Variants in IFT74 observed in about 807,000 individuals in gnomAD.
IFT74 encodes intraflagellar transport protein 74 homolog.
In IFT74, 92 loss-of-function variants were observed where a neutral mutation model predicts 96.7. The ratio of observed to expected loss-of-function variants is 0.95; its 90% CI spans 0.80 to 1.13. The LOEUF is 1.13. IFT74 is among the 50% of genes most tolerant of loss of function. IFT74 has a pLI of 0.00. For missense variants in IFT74, 811 were observed against 698.2 expected, an observed-to-expected ratio of 1.16 and a Z score of -1.82; for synonymous variants, 223 against 213.2, an observed-to-expected ratio of 1.05 and a Z score of -0.40.
intron 13 of IFT74, among the ~76,000 whole-genome samples, 172 bp from the exon 14 acceptor site, chr9:27,044,570 G>A (rs1819611940): frequency 6.6e-6 from 1 of 152,176 alleles, no homozygotes; most frequent in South Asian, 2.1e-4. Flanking sequence ...CAAGTTACAT[G>A]CATATGTCTA....
At chr9:27,038,484 G>T (rs1227694477) in intron 13 of IFT74, among the ~76,000 whole-genome samples, 1 of 152,054 alleles carries the variant, frequency 6.6e-6, no homozygotes, top group Admixed American at 6.6e-5. Flanking sequence ...CTGCTCTCTT[G>T]GCCAGGCTGG....
chr9:27,011,116 G>A (rs1217224095), intron 9 of IFT74, among the ~76,000 whole-genome samples: 1 of 152,174 alleles, frequency 6.6e-6, no homozygotes, highest in African/African-American at 2.4e-5. Context: ...AGCCAGGCAT[G>A]GTAGCAGGCC....
chr9:26,947,210 C>A (rs1218791182), intron 1 of IFT74: 5 of 767,872 alleles, frequency 6.5e-6, no homozygotes, highest in Non-Finnish European at 7.8e-6. Context: ...TGGGAAGGGG[C>A]GCGCCGAGCG....
intron 19 of IFT74, 74 bp downstream of exon 19, chr9:27,060,725 G>T: frequency 2.9e-6 from 3 of 1,022,246 alleles, no homozygotes; most frequent in Non-Finnish European, 4.3e-6. Flanking sequence ...TTGGGAGGCC[G>T]AGGCAGGTGG....
intron 8 of IFT74, among the ~76,000 whole-genome samples, chr9:27,006,234 C>T (rs376031136): frequency 6.6e-6 from 1 of 152,252 alleles, no homozygotes; most frequent in African/African-American, 2.4e-5. Context: ...ATTGAAAATG[C>T]ATACTTTTGA....
chr9:26,997,625 C>G (rs916840870), intron 8 of IFT74: 1 of 1,250,486 alleles, frequency 8.0e-7, no homozygotes, highest in East Asian at 2.4e-5. Flanking sequence ...TGAGCCACTG[C>G]GCCTGGCTGC....
intron 16 of IFT74, 66 bp from the exon 17 acceptor site, chr9:27,055,543 T>C: frequency 1.9e-6 from 2 of 1,070,306 alleles, no homozygotes; most frequent in Non-Finnish European, 2.7e-6. Context: ...AATAGTTGCA[T>C]TACATTTCCT....
Position 27,012,382 on chromosome 9 carries a change from C to G in IFT74, c.789+414C>G, listed in dbSNP as rs536850282. 1.6e-4 allele frequency among the ~76,000 whole-genome samples: 25 copies of G among 152,112 alleles called. No individual in the cohort carries two copies. In the East Asian group the frequency reaches 2.5e-3, roughly 15 times the overall value. On this transcript the variant is annotated intron_variant, in intron 10 of 19. Coordinates refer to ENST00000380062, the MANE Select transcript of IFT74 (RefSeq NM_025103.4). Reference sequence around the variant, plus strand: ...GGACTTCAGGCAGGAACCACCACACCTGGCTAATTTTTTTTTTACTTTTTG... The same window carrying G: ...GGACTTCAGGCAGGAACCACCACACGTGGCTAATTTTTTTTTTACTTTTTG...
At chr9:27,020,466 T>A (rs1829545257) in intron 12 of IFT74, among the ~76,000 whole-genome samples, 1 of 151,136 alleles carries the variant, frequency 6.6e-6, no homozygotes, top group Admixed American at 6.6e-5. Flanking sequence ...TCTTTTTTAT[T>A]TCTTTTTTTT....
At chr9:27,054,507 T>C (rs1209332087) in intron 16 of IFT74, among the ~76,000 whole-genome samples, 2 of 152,216 alleles carry the variant, frequency 1.3e-5, no homozygotes, top group Non-Finnish European at 2.9e-5. Context: ...TGATTGCTAT[T>C]ATATCCTCAG....
At chr9:26,948,445 A>ATTT (rs1554662864) in intron 1 of IFT74, among the ~76,000 whole-genome samples, 5 of 47,316 alleles carry the variant, frequency 1.1e-4, no homozygotes, top group Admixed American at 2.6e-4. Context: ...ATGGCTTTCC[A>ATTT]TTATTTTTTT....
At position 27,040,544 on chromosome 9, in the gene IFT74, C is replaced by CAAAAAAAAAAAAAAA. The variant is rs751893169; in HGVS notation, c.1055-4189_1055-4175dup. ...TGGGCAACAGAACGAGACACTGTCT[C>CAAAAAAAAAAAAAAA]AAAAAAAAAAAAAAAAAAAAAAAGA... is the stretch of plus-strand genomic sequence containing the variant. On this transcript the variant is annotated intron_variant, in intron 13 of 19. Coordinates refer to ENST00000380062, the MANE Select transcript of IFT74 (RefSeq NM_025103.4). Among the ~76,000 whole-genome samples, 20 of 62,090 alleles carry CAAAAAAAAAAAAAAA rather than the reference C, an allele frequency of 3.2e-4. 1 individual carries two copies. Among genetic ancestry groups the CAAAAAAAAAAAAAAA allele is most frequent in the African/African-American group, 1.1e-3 (19 of 17,778 alleles). 40.7% of individuals were successfully genotyped at this position (62,090 alleles called of 152,430 possible). A position where few individuals can be genotyped will look rare whatever the true frequency, so the allele number is the denominator to read the frequency against.
intron 18 of IFT74, among the ~76,000 whole-genome samples, chr9:27,057,997 C>T (rs895002241): frequency 2.0e-5 from 3 of 152,114 alleles, no homozygotes; most frequent in Non-Finnish European, 4.4e-5. Flanking sequence ...GTAGTATTTT[C>T]ATCCTTTGCA....
Position 27,028,986 on chromosome 9 carries a change from A to G in IFT74, c.975-39A>G, listed in dbSNP as rs774822873. The G allele has an allele frequency of 5.3e-6, 8 of 1,519,512 alleles. No individual in the cohort carries two copies. The Admixed American group carries it at 5.9e-5, about 11-fold the overall frequency. The allele number at this position is 1,519,512 out of a possible 1,614,324, so 94.1% of individuals were successfully genotyped here. On this transcript the variant is annotated intron_variant, in intron 12 of 19. Transcript: ENST00000380062. ...CATCAATTGTTTTTATTGAATGTCT[A>G]TATTTCCTTCATAAATTCATTAAAA...
At chr9:26,998,087 T>C in intron 8 of IFT74, 2 of 1,613,570 alleles carry the variant, frequency 1.2e-6, no homozygotes, top group Non-Finnish European at 1.7e-6. Context: ...CTCAATCAAA[T>C]AGAGCTCTGT....
intron 18 of IFT74, 131 bp downstream of exon 18, chr9:27,056,590 G>T: frequency 1.4e-6 from 1 of 689,966 alleles, no homozygotes; most frequent in Non-Finnish European, 2.3e-6. Flanking sequence ...GCCAGATTCT[G>T]TACAGTCTTC....
intron 8 of IFT74, chr9:26,995,625 C>T (rs1455961672): frequency 1.2e-6 from 2 of 1,613,044 alleles, no homozygotes; most frequent in South Asian, 2.2e-5. Context: ...ACTGTAGTTT[C>T]TTCAGAGTTT....
At chr9:26,999,796 G>A in intron 8 of IFT74, 1 of 644,136 alleles carries the variant, frequency 1.6e-6, no homozygotes, top group Non-Finnish European at 2.2e-6. Context: ...TTTTTTGGCT[G>A]AGACAGGGTC....
At chr9:26,954,078 T>C (rs1826010733), upstream of IFT74, among the ~76,000 whole-genome samples, 1 of 152,186 alleles carries the variant, frequency 6.6e-6, no homozygotes, top group Non-Finnish European at 1.5e-5. Flanking sequence ...TGGACTATTT[T>C]CCCTATTGCA....
Sources: gnomAD v4.1 joint callset for allele counts (sites outside exome capture counted in the v4.1 genomes callset) on GRCh38, gnomAD v4.1.1 for gene constraint, MANE v1.5 for transcripts, NCBI Gene and HGNC (gene_info 2026-07-23, HGNC 2026-07-21) for gene names.